DCBLD2: variants seen among roughly 807,000 people sequenced by gnomAD.
DCBLD2 encodes discoidin, CUB and LCCL domain containing 2, also known as discoidin, CUB and LCCL domain-containing protein 2.
In DCBLD2, 54 loss-of-function variants were observed where a neutral mutation model predicts 86.8. That is an observed-to-expected ratio of 0.62 (90% CI 0.50 to 0.78). The LOEUF (loss-of-function observed/expected upper bound fraction) is 0.78, where lower values mean the gene tolerates loss of function less well. Ranked by LOEUF, DCBLD2 falls within the 30% of genes least tolerant of loss-of-function variation. The pLI, the probability that DCBLD2 is intolerant of heterozygous loss-of-function variation, is 0.00. For synonymous variants in DCBLD2, 354 were observed against 341.3 expected, an observed-to-expected ratio of 1.04 and a Z score of -0.41; for missense variants, 908 against 954.2, an observed-to-expected ratio of 0.95 and a Z score of 0.64.
chr3:98,864,992 C>T (rs1042896088), intron 2 of DCBLD2, among the ~76,000 whole-genome samples: 3 of 152,126 alleles, frequency 2.0e-5, no homozygotes, highest in African/African-American at 7.2e-5. Flanking sequence ...GAAAATGGTA[C>T]ACTTCTACAC....
At chr3:98,851,597 T>C (rs1359237957) in intron 2 of DCBLD2, among the ~76,000 whole-genome samples, 5 of 152,170 alleles carry the variant, frequency 3.3e-5, no homozygotes, top group Non-Finnish European at 7.3e-5. Flanking sequence ...AAATTTCATA[T>C]GGAACCAAAA....
intron 2 of DCBLD2, 74 bp downstream of exon 2, chr3:98,881,466 A>G: frequency 7.5e-7 from 1 of 1,339,404 alleles, no homozygotes. Flanking sequence ...ATGGTTATTT[A>G]ATGTTAATAT....
Position 98,811,584 on chromosome 3 carries a change from A to AT in DCBLD2, c.1364-31dup. 3.2e-6 allele frequency: 5 copies of AT among 1,542,172 alleles called. No homozygotes were observed. In the Admixed American group the frequency reaches 1.1e-4, roughly 34 times the overall value. On this transcript the variant is annotated intron_variant, in intron 10 of 15. Transcript: ENST00000326840. Reference sequence around the variant, plus strand: ...AAAAATGGTTTAGAAAAATTTAAACATTTTGTTTTTAAAAATCATAATTAA... The same window carrying AT: ...AAAAATGGTTTAGAAAAATTTAAACATTTTTGTTTTTAAAAATCATAATTAA...
chr3:98,858,579 G>A lies in DCBLD2; in HGVS notation c.434-8981C>T, dbSNP rs950224388. Among the ~76,000 whole-genome samples the A allele has an allele frequency of 2.0e-5, 3 of 152,202 alleles. No homozygotes were observed. In the South Asian group the frequency reaches 6.2e-4, roughly 31 times the overall value. Reference sequence around the variant, plus strand: ...GATTACCTCACACTAAAATGCTTTCGCATAGCAAAGAAAACAATCAACAGA... The same window carrying A: ...GATTACCTCACACTAAAATGCTTTCACATAGCAAAGAAAACAATCAACAGA... On this transcript the variant is annotated intron_variant, in intron 2 of 15. Coordinates refer to ENST00000326840, the MANE Select transcript of DCBLD2 (RefSeq NM_080927.4).
At chr3:98,866,180 G>A (rs1943140463) in intron 2 of DCBLD2, among the ~76,000 whole-genome samples, 1 of 152,152 alleles carries the variant, frequency 6.6e-6, no homozygotes, top group Non-Finnish European at 1.5e-5. Flanking sequence ...ACGTGTGCAT[G>A]TGTCTTTATA....
At chr3:98,840,593 C>T (rs1942602436) in intron 3 of DCBLD2, among the ~76,000 whole-genome samples, 1 of 152,206 alleles carries the variant, frequency 6.6e-6, no homozygotes, top group African/African-American at 2.4e-5. Context: ...AGTTCCTGGT[C>T]TCAAGCAATC....
intron 3 of DCBLD2, among the ~76,000 whole-genome samples, chr3:98,827,757 T>C (rs1942247617): frequency 6.6e-6 from 1 of 152,224 alleles, no homozygotes; most frequent in African/African-American, 2.4e-5. Context: ...TTAAAAGCTT[T>C]TCCCAAGTAA....
intron 3 of DCBLD2, among the ~76,000 whole-genome samples, chr3:98,846,764 T>C (rs552774935): frequency 6.6e-6 from 1 of 152,312 alleles, no homozygotes; most frequent in Admixed American, 6.5e-5. Context: ...CTACACAACA[T>C]ACTGATTCTT....
intron 3 of DCBLD2, among the ~76,000 whole-genome samples, chr3:98,828,807 T>C (rs570558117): frequency 2.0e-5 from 3 of 152,150 alleles, no homozygotes; most frequent in South Asian, 2.1e-4. Flanking sequence ...TGTATATACA[T>C]ACAATGGAAT....
At position 98,799,307 on chromosome 3, in the gene DCBLD2, A is replaced by G; in HGVS notation, c.*65T>C. 7.5e-7 allele frequency: 1 copy of G among 1,340,384 alleles called. No individual in the cohort carries two copies. The highest frequency in any genetic ancestry group is 9.8e-7 in the Non-Finnish European group (1 of 1,024,556). 83.0% of individuals were successfully genotyped at this position (1,340,384 alleles called of 1,614,324 possible). A position where few individuals can be genotyped will look rare whatever the true frequency, so the allele number is the denominator to read the frequency against. ...GTAATACATTCTATATATTACTACCACTAATAATTAAAAAAAAAAGGCCAT... is the reference window on the plus strand; with the variant it reads ...GTAATACATTCTATATATTACTACCGCTAATAATTAAAAAAAAAAGGCCAT... On this transcript the variant is annotated 3_prime_UTR_variant, in exon 16 of 16. Coordinates refer to ENST00000326840, the MANE Select transcript of DCBLD2 (RefSeq NM_080927.4).
At chr3:98,870,692 AAAAG>A (rs1321898553) in intron 2 of DCBLD2, among the ~76,000 whole-genome samples, 4 of 149,568 alleles carry the variant, frequency 2.7e-5, no homozygotes, top group East Asian at 3.9e-4. Flanking sequence ...TAGAGAAAGA[AAAAG>A]AGAGAGAAAA....
intron 1 of DCBLD2, among the ~76,000 whole-genome samples, chr3:98,882,156 G>C (rs1034332438): frequency 6.6e-6 from 1 of 152,006 alleles, no homozygotes; most frequent in African/African-American, 2.4e-5. Flanking sequence ...ATTCACAGGA[G>C]GCAAGAGAAG....
At chr3:98,863,088 G>A (rs1943075819) in intron 2 of DCBLD2, among the ~76,000 whole-genome samples, 1 of 152,148 alleles carries the variant, frequency 6.6e-6, no homozygotes, top group African/African-American at 2.4e-5. Context: ...CAGACAAACA[G>A]AGAGCCAAAT....
At chr3:98,881,518 C>T in intron 2 of DCBLD2, 22 bp downstream of exon 2, 2 of 1,590,154 alleles carry the variant, frequency 1.3e-6, no homozygotes, top group East Asian at 2.2e-5. Context: ...TTTACATGTA[C>T]ATTTACAAAA....
Position 98,797,727 on chromosome 3 carries a change from C to G in DCBLD2, c.*1645G>C, listed in dbSNP as rs946193233. On this transcript the variant is annotated 3_prime_UTR_variant, in exon 16 of 16. Transcript: ENST00000326840. ...GAAGCCTGCAGAAATAAACAGTTCT[C>G]TTTCTGAAGCGATGTTTTAGAATAC... 1 of 152,152 alleles carries G rather than the reference C, an allele frequency of 6.6e-6. No homozygotes were observed. The highest frequency in any genetic ancestry group is 2.4e-5 in the African/African-American group (1 of 41,420). 9.4% of individuals were successfully genotyped at this position (152,152 alleles called of 1,614,324 possible). A position where few individuals can be genotyped will look rare whatever the true frequency, so the allele number is the denominator to read the frequency against.
In DCBLD2 at chr3:98,828,391, G is replaced by A. The variant is rs192887769; in HGVS notation, c.572-3025C>T. 4.6e-5 allele frequency among the ~76,000 whole-genome samples: 7 copies of A among 152,218 alleles called. No homozygotes were observed. The East Asian group carries it at 1.3e-3, about 29-fold the overall frequency. On this transcript the variant is annotated intron_variant, in intron 3 of 15. Transcript: ENST00000326840. ...AGACAAAGGAACCAATTTAAAAACA[G>A]ACAATGGATATGAACAGACATTTCT...
In DCBLD2 at chr3:98,811,260, G is replaced by T. The variant is rs1941933562; in HGVS notation, c.1510C>A (p.Gln504Lys). The change falls in exon 12 of 16, where the codon CAG becomes AAG. Residue 504 changes from glutamine to lysine, a missense_variant. Around this residue, in one of 3 missense-constraint regions of DCBLD2, gnomAD observed 606 missense variants for 678.5 expected, o/e 0.89. Coordinates refer to ENST00000326840, the MANE Select transcript of DCBLD2 (RefSeq NM_080927.4). ...GGACTGGCAGTTGTTTGTTCTGTCT[G>T]TGCAGGAAATTCATTGCTACTGCGA... ...QPRSSNEFPAQTEQTTASPDI... is the reference protein window; with the variant it reads ...QPRSSNEFPAKTEQTTASPDI... The T allele has an allele frequency of 6.2e-7, 1 of 1,612,954 alleles. No homozygotes were observed. Among genetic ancestry groups the T allele is most frequent in the East Asian group, 2.2e-5 (1 of 44,874 alleles).
chr3:98,809,095 A>C (rs1941889090), intron 12 of DCBLD2, among the ~76,000 whole-genome samples: 1 of 152,144 alleles, frequency 6.6e-6, no homozygotes, highest in Admixed American at 6.6e-5. Context: ...ACCAGGTCAG[A>C]AGCCAGCATA....
chr3:98,829,516 T>C (rs534390322), intron 3 of DCBLD2, among the ~76,000 whole-genome samples: 25 of 152,214 alleles, frequency 1.6e-4, no homozygotes, highest in Non-Finnish European at 2.9e-4. Context: ...CACTTAAAAG[T>C]AAGAACATGT....
Sources: allele counts gnomAD v4.1 joint callset (sites outside exome capture counted in the v4.1 genomes callset), GRCh38; gene constraint gnomAD v4.1.1; regional missense constraint gnomAD v4.1.1; transcripts MANE v1.5; gene names NCBI Gene and HGNC (gene_info 2026-07-23, HGNC 2026-07-21).